The following ACOT7 variants were observed in gnomAD, a reference collection of about 807,000 sequenced individuals.
ACOT7 encodes cytosolic acyl coenzyme A thioester hydrolase.
Under a neutral mutation model 40.2 loss-of-function variants are expected in ACOT7, and 12 were observed. That is an observed-to-expected ratio of 0.30 (90% CI 0.19 to 0.48). ACOT7 has a LOEUF of 0.48. Ranked by LOEUF, ACOT7 falls within the 20% of genes least tolerant of loss-of-function variation. The pLI is 0.99. For synonymous variants in ACOT7, 228 were observed against 219.5 expected, an observed-to-expected ratio of 1.04 and a Z score of -0.34; for missense variants, 395 against 530.8, an observed-to-expected ratio of 0.74 and a Z score of 2.51.
At position 6,327,330 on chromosome 1, in the gene ACOT7, G is replaced by A. The variant is rs767271021; in HGVS notation, c.594C>T (p.Asn198=). ...KLERMETKWR[N]GDIVQPVLNP... ...TGAGGACTGGCTGGACGATGTCCCC[G>A]TTCCTCCACTTGGTCTCCATGCGCT... Residue 198 remains asparagine, a synonymous_variant, in exon 5 of 9, where the codon AAC becomes AAT. Transcript: ENST00000361521. 58 of 1,614,020 alleles carry A rather than the reference G, an allele frequency of 3.6e-5. No homozygotes were observed. Among genetic ancestry groups the A allele is most frequent in the Non-Finnish European group, 4.3e-5 (51 of 1,180,030 alleles).
intron 6 of ACOT7, among the ~76,000 whole-genome samples, chr1:6,308,942 G>A (rs1640253830): frequency 6.6e-6 from 1 of 152,234 alleles, no homozygotes; most frequent in South Asian, 2.1e-4. Flanking sequence ...AAACTTATTT[G>A]TAGACTGAAG....
intron 3 of ACOT7, 34 bp from the exon 4 acceptor site, chr1:6,333,602 G>A (rs201895808): frequency 8.3e-5 from 133 of 1,608,230 alleles, no homozygotes; most frequent in African/African-American, 7.9e-4. Context: ...AGTGACGCCC[G>A]GGAGACGGGG....
At chr1:6,379,570 CCT>C (rs2148478961) in intron 1 of ACOT7, among the ~76,000 whole-genome samples, 1 of 151,462 alleles carries the variant, frequency 6.6e-6, no homozygotes, top group Non-Finnish European at 1.5e-5. Context: ...CTCAAGCAAT[CCT>C]CTCACCTCAG....
Position 6,288,407 on chromosome 1 carries a change from G to A in ACOT7, c.829+6457C>T, listed in dbSNP as rs979711269. ...CACACCTGCTAAGGACCCCGTAGGT[G>A]CTTGGCCGGGCTAGTTGGCGCAAAG... On this transcript the variant is annotated intron_variant, in intron 7 of 8. Coordinates refer to ENST00000361521, the MANE Select transcript of ACOT7 (RefSeq NM_007274.4). The surrounding 1 kb of genome is among the most constrained non-coding windows in gnomAD (Gnocchi z 4.3). Among the ~76,000 whole-genome samples the A allele has an allele frequency of 1.3e-5, 2 of 152,236 alleles. No individual in the cohort carries two copies. The highest frequency in any genetic ancestry group is 4.8e-5 in the African/African-American group (2 of 41,472).
chr1:6,322,422 C>A lies in ACOT7; in HGVS notation c.626-3844G>T, dbSNP rs72858309. On this transcript the variant is annotated intron_variant, in intron 5 of 8. Transcript: ENST00000361521. ...TGACCAGGAGAGAAGGGAGGGGAGG[C>A]GGTTTGAAATTCTGTGTGTGGAGTG... 8.7e-4 allele frequency among the ~76,000 whole-genome samples: 133 copies of A among 152,288 alleles called. 1 individual carries two copies. The highest frequency in any genetic ancestry group is 2.9e-3 in the African/African-American group (120 of 41,554).
chr1:6,318,020 T>C lies in ACOT7; in HGVS notation c.712+472A>G, dbSNP rs537082306. On this transcript the variant is annotated intron_variant, in intron 6 of 8. Coordinates refer to ENST00000361521, the MANE Select transcript of ACOT7 (RefSeq NM_007274.4). ...GTGCTGGGATTACAGGCGTGACCTA[T>C]GGCGCCCAGCCTGCCAGCATATTTC... Among the ~76,000 whole-genome samples, 17 of 150,062 alleles carry C rather than the reference T, an allele frequency of 1.1e-4. No individual in the cohort carries two copies. The East Asian group carries it at 3.0e-3, about 27-fold the overall frequency.
chr1:6,281,622 C>T (rs999566426), intron 7 of ACOT7, among the ~76,000 whole-genome samples: 3 of 152,196 alleles, frequency 2.0e-5, no homozygotes, highest in Non-Finnish European at 2.9e-5. Context: ...CGGGGGAGGC[C>T]GCAGACTGCC....
Position 6,387,908 on chromosome 1 carries a change from T to C in ACOT7, c.143+5349A>G, listed in dbSNP as rs182690961. On this transcript the variant is annotated intron_variant, in intron 1 of 8. Coordinates refer to ENST00000361521, the MANE Select transcript of ACOT7 (RefSeq NM_007274.4). ...AATGCTCCAGAATACAAGCTCTGAG[T>C]GTGGCTTCTGTAAATCAGGTTCTTT... Among the ~76,000 whole-genome samples, 305 of 151,974 alleles carry C rather than the reference T, an allele frequency of 2.0e-3. 1 individual carries two copies. Among genetic ancestry groups the C allele is most frequent in the East Asian group, 1.7e-3 (9 of 5,164 alleles).
At chr1:6,372,351 ATTC>A (rs1443535759) in intron 1 of ACOT7, among the ~76,000 whole-genome samples, 18 of 152,300 alleles carry the variant, frequency 1.2e-4, no homozygotes, top group South Asian at 8.3e-4. Flanking sequence ...AATCACTAAA[ATTC>A]TTCTTCTCCG....
At chr1:6,369,211 C>T (rs1446456892) in intron 1 of ACOT7, among the ~76,000 whole-genome samples, 18 of 151,924 alleles carry the variant, frequency 1.2e-4, no homozygotes. Flanking sequence ...GAACACCTGA[C>T]CTCAGGTGAT....
chr1:6,268,686 G>C (rs966633283), intron 8 of ACOT7, among the ~76,000 whole-genome samples: 1 of 152,250 alleles, frequency 6.6e-6, no homozygotes, highest in East Asian at 1.9e-4. Context: ...GGCACGGCCC[G>C]AACGGCAGGG....
At chr1:6,389,358 A>C (rs1274634946) in intron 1 of ACOT7, among the ~76,000 whole-genome samples, 1 of 152,162 alleles carries the variant, frequency 6.6e-6, no homozygotes, top group African/African-American at 2.4e-5. Flanking sequence ...GGTGGTGTCC[A>C]TGCCAAGGTC....
At chr1:6,310,669 G>T (rs1640306579) in intron 6 of ACOT7, among the ~76,000 whole-genome samples, 1 of 152,228 alleles carries the variant, frequency 6.6e-6, no homozygotes, top group Non-Finnish European at 1.5e-5. Context: ...CTGGGCCCCA[G>T]CCCAGCCCTG....
At position 6,374,183 on chromosome 1, in the gene ACOT7, C is replaced by T. The variant is rs532504804; in HGVS notation, c.143+19074G>A. ...TCACCTGAGGACAGAGGCCTGGTCC[C>T]CATGCTGGCAGCTGCGCCCACGTCC... is the stretch of plus-strand genomic sequence containing the variant. On this transcript the variant is annotated intron_variant, in intron 1 of 8. Transcript: ENST00000361521. Among the ~76,000 whole-genome samples, 8 of 152,340 alleles carry T rather than the reference C, an allele frequency of 5.3e-5. No individual in the cohort carries two copies. In the South Asian group the frequency reaches 1.2e-3, roughly 24 times the overall value.
At chr1:6,265,155 A>G (rs1215265289) in intron 8 of ACOT7, among the ~76,000 whole-genome samples, 2 of 152,222 alleles carry the variant, frequency 1.3e-5, no homozygotes, top group Non-Finnish European at 2.9e-5. Flanking sequence ...GTGGAAAGGA[A>G]GAGGGACCCT....
rs762978854 is a variant in ACOT7, at chr1:6,338,265, G to A, written c.418+1168C>T. 4.7e-4 allele frequency among the ~76,000 whole-genome samples: 72 copies of A among 152,218 alleles called. 2 individuals carry two copies. Among genetic ancestry groups the A allele is most frequent in the Non-Finnish European group, 1.6e-4 (11 of 68,028 alleles). On this transcript the variant is annotated intron_variant, in intron 3 of 8. Transcript: ENST00000361521. The surrounding 1 kb of genome is among the most constrained non-coding windows in gnomAD (Gnocchi z 4.4). Reference sequence around the variant, plus strand: ...GGGCCAAGGCTCCACCCCCAGCACAGTCGGAGAAGAGCTGCGATCTCACAG... The same window carrying A: ...GGGCCAAGGCTCCACCCCCAGCACAATCGGAGAAGAGCTGCGATCTCACAG...
At chr1:6,323,732 AAAAAAATATATATAT>A (rs1216840654) in intron 5 of ACOT7, among the ~76,000 whole-genome samples, 1,880 of 92,214 alleles carry the variant, frequency 0.02, 10 homozygotes, top group South Asian at 0.027. Context: ...AAAAAAAAAA[AAAAAAATATATATAT>A]ATATATATAT....
Position 6,299,608 on chromosome 1 carries a change from C to A in ACOT7, c.713-4628G>T, listed in dbSNP as rs1253940957. Reference sequence around the variant, plus strand: ...ACAGAGGGCAGAGAGGCCCACCCGGCCACCTCCTGACTAGGTACTAGGTCA... The same window carrying A: ...ACAGAGGGCAGAGAGGCCCACCCGGACACCTCCTGACTAGGTACTAGGTCA... On this transcript the variant is annotated intron_variant, in intron 6 of 8. Transcript: ENST00000361521. The surrounding 1 kb of genome is among the most constrained non-coding windows in gnomAD (Gnocchi z 4.1). 6.6e-6 allele frequency among the ~76,000 whole-genome samples: 1 copy of A among 152,008 alleles called. No homozygotes were observed. Among genetic ancestry groups the A allele is most frequent in the Non-Finnish European group, 1.5e-5 (1 of 68,016 alleles).
In ACOT7 at chr1:6,301,941, G is replaced by C. The variant is rs974842918; in HGVS notation, c.713-6961C>G. 4.6e-5 allele frequency among the ~76,000 whole-genome samples: 7 copies of C among 152,224 alleles called. No homozygotes were observed. Among genetic ancestry groups the C allele is most frequent in the African/African-American group, 1.7e-4 (7 of 41,452 alleles). On this transcript the variant is annotated intron_variant, in intron 6 of 8. Coordinates refer to ENST00000361521, the MANE Select transcript of ACOT7 (RefSeq NM_007274.4). This position sits in a 1 kb window ranked among gnomAD's most constrained non-coding sequence, Gnocchi z 4.1. ...GGGAAACCACGCAGAGTTTAGATCA[G>C]CGGCAGACCTGCTATGAAACAACAA...
Sources: allele counts gnomAD v4.1 joint callset (sites outside exome capture counted in the v4.1 genomes callset), GRCh38; gene constraint gnomAD v4.1.1; non-coding constraint Gnocchi (gnomAD v3.1); transcripts MANE v1.5; gene names NCBI Gene and HGNC (gene_info 2026-07-23, HGNC 2026-07-21).